Variants in SHROOM4 observed in about 807,000 individuals in gnomAD.
SHROOM4 encodes shroom family member 4, also known as protein Shroom4.
Under a neutral mutation model 80.3 loss-of-function variants are expected in SHROOM4, and 17 were observed. The observed-to-expected ratio is 0.21, with a 90% CI of 0.14 to 0.32. SHROOM4 has a LOEUF of 0.32. Among genes scored for constraint, SHROOM4 ranks in the 10% least tolerant of loss-of-function variants. The pLI is 1.00. For missense variants in SHROOM4, 993 were observed against 1,140.3 expected (o/e 0.87, Z 1.86); for synonymous variants, 400 against 437.5 (o/e 0.91, Z 1.07).
intron 1 of SHROOM4, among the ~76,000 whole-genome samples, chrX:50,728,146 T>A: frequency 9.1e-6 from 1 of 110,380 alleles, no homozygotes; most frequent in East Asian, 2.9e-4. Context: ...GTTCACGAAG[T>A]CAGGAGATGG....
intron 5 of SHROOM4, among the ~76,000 whole-genome samples, chrX:50,618,396 C>T (rs1446609679): frequency 1.4e-5 from 1 of 73,872 alleles, no homozygotes; most frequent in East Asian, 5.0e-4. Context: ...TCCTTCCTTC[C>T]TTCCTTCCTT....
Position 50,596,033 on chromosome X carries a change from C to A in SHROOM4, c.*662G>T, listed in dbSNP as rs782708547. Reference sequence around the variant, plus strand: ...AAGTCTTAGGACAGGAAGAGGGTCACACTAGCCAGGGCTAAGAGTAGGCCT... The same window carrying A: ...AAGTCTTAGGACAGGAAGAGGGTCAAACTAGCCAGGGCTAAGAGTAGGCCT... On this transcript the variant is annotated 3_prime_UTR_variant, in exon 9 of 9. Coordinates refer to ENST00000376020, the MANE Select transcript of SHROOM4 (RefSeq NM_020717.5). 4.9e-5 allele frequency: 16 copies of A among 329,617 alleles called. No individual in the cohort carries two copies. The highest frequency in any genetic ancestry group is 9.6e-4 in the Middle Eastern group (1 of 1,041). 27.2% of individuals were successfully genotyped at this position (329,617 alleles called of 1,213,427 possible).
At chrX:50,745,861 G>C (rs144129790) in intron 1 of SHROOM4, among the ~76,000 whole-genome samples, 184 of 111,722 alleles carry the variant, frequency 1.6e-3, no homozygotes, top group Non-Finnish European at 3.1e-3. Context: ...TCTTAAATAA[G>C]TGATTCTCAA....
intron 1 of SHROOM4, among the ~76,000 whole-genome samples, chrX:50,707,580 C>T (rs782694886): frequency 1.4e-4 from 16 of 111,429 alleles, no homozygotes; most frequent in African/African-American, 5.2e-4. Flanking sequence ...TGCCTTGGCT[C>T]AGGGCCAAGG....
intron 5 of SHROOM4, among the ~76,000 whole-genome samples, chrX:50,609,179 T>C (rs1929835725): frequency 9.1e-6 from 1 of 110,198 alleles, no homozygotes; most frequent in Non-Finnish European, 1.9e-5. Flanking sequence ...GGAAGACAGC[T>C]TGAGACTGGG....
rs1215868928 is a variant in SHROOM4 at position 50,596,961 on chromosome X, C to T, written c.4216G>A (p.Val1406Ile). Residue 1406 changes from valine to isoleucine, a missense_variant, in exon 9 of 9, where the codon GTA (valine) becomes ATA (isoleucine). By Grantham distance (29) the Val-to-Ile change is conservative. Coordinates refer to ENST00000376020, the MANE Select transcript of SHROOM4 (RefSeq NM_020717.5). ...AGCTGCTGCTTCTTCTCTATCAGTA[C>T]CAACTGGGGAAGCAGAGGACCAAGT... The part of the protein sequence containing the change: ...IDSEANQEKL[V>I]LIEKKQQLTG... The T allele has an allele frequency of 1.7e-6, 2 of 1,209,421 alleles. No homozygotes were observed. The highest frequency in any genetic ancestry group is 3.5e-5 in the African/African-American group (2 of 57,855).
At chrX:50,796,712 A>G (rs1354817722) in intron 1 of SHROOM4, among the ~76,000 whole-genome samples, 4 of 111,248 alleles carry the variant, frequency 3.6e-5, no homozygotes, top group Non-Finnish European at 5.7e-5. Flanking sequence ...ACATAAAGTA[A>G]TAAGAGCTTG....
chrX:50,782,881 T>C (rs1359405709), intron 1 of SHROOM4, among the ~76,000 whole-genome samples: 2 of 111,608 alleles, frequency 1.8e-5, no homozygotes, highest in Non-Finnish European at 3.8e-5. Context: ...GAGTTGCTAA[T>C]CAACAGGAAT....
downstream of SHROOM4, among the ~76,000 whole-genome samples, chrX:50,582,931 G>A (rs1281888540): frequency 9.1e-6 from 1 of 110,368 alleles, no homozygotes; most frequent in Non-Finnish European, 1.9e-5. Flanking sequence ...TGGAAGTTAA[G>A]TTTTATGGAG....
chrX:50,769,230 G>A (rs1353558249), intron 1 of SHROOM4, among the ~76,000 whole-genome samples: 1 of 109,402 alleles, frequency 9.1e-6, no homozygotes, highest in Non-Finnish European at 1.9e-5. Flanking sequence ...GGGGAAGGAG[G>A]GAGGGAGGAA....
chrX:50,578,012 G>A, the SHROOM4 span, among the ~76,000 whole-genome samples: 3 of 111,645 alleles, frequency 2.7e-5, no homozygotes, highest in African/African-American at 9.8e-5. Flanking sequence ...GAGCTACCTG[G>A]GGCTCTCCTT....
chrX:50,577,031 TTTC>T, the SHROOM4 span, among the ~76,000 whole-genome samples: 2 of 112,496 alleles, frequency 1.8e-5, no homozygotes, highest in African/African-American at 6.4e-5. Context: ...TCCATTGTTC[TTTC>T]TTCTTTTCTG....
intron 1 of SHROOM4, among the ~76,000 whole-genome samples, chrX:50,794,267 A>C (rs2147708374): frequency 9.0e-6 from 1 of 111,580 alleles, no homozygotes; most frequent in South Asian, 3.8e-4. Context: ...AAATATAATT[A>C]AATTGGTACA....
chrX:50,702,038 A>G (rs1557263567), intron 1 of SHROOM4, among the ~76,000 whole-genome samples: 1 of 112,252 alleles, frequency 8.9e-6, no homozygotes, highest in East Asian at 2.8e-4. Flanking sequence ...AATAAGAAAA[A>G]GGCAAATAGC....
intron 1 of SHROOM4, among the ~76,000 whole-genome samples, chrX:50,718,558 C>T (rs1205011778): frequency 9.0e-6 from 1 of 110,740 alleles, no homozygotes; most frequent in Admixed American, 9.6e-5. Flanking sequence ...TCAGTGAATA[C>T]TAGTTAAATA....
chrX:50,745,701 C>G (rs1934759741), intron 1 of SHROOM4, among the ~76,000 whole-genome samples: 1 of 110,432 alleles, frequency 9.1e-6, no homozygotes, highest in Non-Finnish European at 1.9e-5. Context: ...AACTATAGCT[C>G]TATAATCAAC....
intron 1 of SHROOM4, among the ~76,000 whole-genome samples, chrX:50,793,667 G>A (rs1569549095): frequency 9.5e-6 from 1 of 105,454 alleles, no homozygotes; most frequent in East Asian, 2.9e-4. Flanking sequence ...AACAATAAAG[G>A]GTCATGAATG....
At chrX:50,751,689 C>G (rs1934922332) in intron 1 of SHROOM4, among the ~76,000 whole-genome samples, 1 of 111,919 alleles carries the variant, frequency 8.9e-6, no homozygotes, top group African/African-American at 3.2e-5. Flanking sequence ...TACATTCTGT[C>G]CTGACTTCAT....
intron 4 of SHROOM4, among the ~76,000 whole-genome samples, chrX:50,629,780 A>T (rs1188279740): frequency 1.8e-5 from 2 of 111,967 alleles, no homozygotes; most frequent in African/African-American, 6.5e-5. Flanking sequence ...CACAGCACTG[A>T]ACAGGAGACA....
Sources: gnomAD v4.1 joint callset for allele counts (sites outside exome capture counted in the v4.1 genomes callset) on GRCh38, gnomAD v4.1.1 for gene constraint, MANE v1.5 for transcripts, NCBI Gene and HGNC (gene_info 2026-07-23, HGNC 2026-07-21) for gene names.